The following CPNE5 variants were observed in gnomAD, a reference collection of about 807,000 sequenced individuals.
CPNE5 encodes copine 5.
CPNE5 carries 42 observed loss-of-function variants against 81.1 expected under a neutral mutation model. That is an observed-to-expected ratio of 0.52 (90% CI 0.40 to 0.67). The LOEUF is 0.67. Among genes scored for constraint, CPNE5 ranks in the 30% least tolerant of loss-of-function variants. The pLI is 0.00. For synonymous variants in CPNE5, 313 were observed against 321.5 expected (o/e 0.97, Z 0.28); for missense variants, 612 against 815.5 (o/e 0.75, Z 3.04).
intron 1 of CPNE5, chr6:36,827,698 G>A: frequency 2.0e-6 from 2 of 985,410 alleles, no homozygotes; most frequent in Non-Finnish European, 2.4e-6. Flanking sequence ...CAGGGGCAAT[G>A]AGTCACTTGC....
chr6:36,800,331 G>A (rs1769992123), intron 3 of CPNE5, among the ~76,000 whole-genome samples: 1 of 152,180 alleles, frequency 6.6e-6, no homozygotes, highest in Non-Finnish European at 1.5e-5. Flanking sequence ...TAATACCTGA[G>A]CAGGCCCTTC....
chr6:36,745,429 G>A lies in CPNE5; in HGVS notation c.1287C>T (p.Tyr429=), dbSNP rs747624191. 6.8e-6 allele frequency: 11 copies of A among 1,606,452 alleles called. No individual in the cohort carries two copies. Among genetic ancestry groups the A allele is most frequent in the African/African-American group, 4.0e-5 (3 of 74,898 alleles). The part of the protein sequence containing the change: ...YHRSLRTVQL[Y]GPTNFAPVVT... ...CCACGGGGGCAAAGTTGGTGGGGCCGTACAGCTGCACAGTGCGCAGGCTGC... is the reference window on the plus strand; with the variant it reads ...CCACGGGGGCAAAGTTGGTGGGGCCATACAGCTGCACAGTGCGCAGGCTGC... The change falls in exon 17 of 21, where the codon TAC becomes TAT. Residue 429 remains tyrosine, a synonymous_variant. Coordinates refer to ENST00000244751, the MANE Select transcript of CPNE5 (RefSeq NM_020939.2).
Position 36,743,747 on chromosome 6 carries a change from T to C in CPNE5, c.1505A>G (p.Asp502Gly). The C allele has an allele frequency of 6.2e-7, 1 of 1,612,350 alleles. No individual in the cohort carries two copies. The highest frequency in any genetic ancestry group is 8.5e-7 in the Non-Finnish European group (1 of 1,179,944). The change falls in exon 20 of 21, where the codon GAT becomes GGT. Residue 502 changes from aspartate to glycine, a missense_variant. By Grantham distance (94) the Asp-to-Gly change is moderately conservative. Transcript: ENST00000244751. ...QAEFDAMVEL[D>G]GDDVRISSRG... ...GGAGGAGATCCGCACGTCGTCGCCATCCAGCTCCACCATGGCTGTGAGGGG... is the reference window on the plus strand; with the variant it reads ...GGAGGAGATCCGCACGTCGTCGCCACCCAGCTCCACCATGGCTGTGAGGGG...
chr6:36,839,188 A>C lies in CPNE5; in HGVS notation c.95+95T>G. 40 of 828,008 alleles carry C rather than the reference A, an allele frequency of 4.8e-5. No homozygotes were observed. Among genetic ancestry groups the C allele is most frequent in the Non-Finnish European group, 6.8e-5 (37 of 540,392 alleles). 51.3% of individuals were successfully genotyped at this position (828,008 alleles called of 1,614,324 possible). ...TCCTGGAGACCAGGACACTCTGGGAAGGGGGCGCGCGGAGGTTTAGGATCG... is the reference window on the plus strand; with the variant it reads ...TCCTGGAGACCAGGACACTCTGGGACGGGGGCGCGCGGAGGTTTAGGATCG... On this transcript the variant is annotated intron_variant, in intron 1 of 20. Coordinates refer to ENST00000244751, the MANE Select transcript of CPNE5 (RefSeq NM_020939.2). This position sits in a 1 kb window ranked among gnomAD's most constrained non-coding sequence, Gnocchi z 7.3.
intron 12 of CPNE5, among the ~76,000 whole-genome samples, chr6:36,756,576 G>A (rs548138151): frequency 4.6e-5 from 7 of 152,272 alleles, no homozygotes; most frequent in Non-Finnish European, 7.4e-5. Flanking sequence ...CGGAACACAC[G>A]CACCCTCCAC....
Position 36,760,458 on chromosome 6 carries a change from C to T in CPNE5, c.855+2459G>A, listed in dbSNP as rs566995966. On this transcript the variant is annotated intron_variant, in intron 12 of 20. Coordinates refer to ENST00000244751, the MANE Select transcript of CPNE5 (RefSeq NM_020939.2). ...ATCAGATCACTATTTTGGTGGAGTA[C>T]GCTGGTTACTGTGTAGAGGACAGAA... Among the ~76,000 whole-genome samples the T allele has an allele frequency of 3.9e-5, 6 of 152,074 alleles. No homozygotes were observed. In the East Asian group the frequency reaches 7.7e-4, roughly 20 times the overall value.
At chr6:36,805,510 A>T (rs1770512340) in intron 3 of CPNE5, among the ~76,000 whole-genome samples, 1 of 152,240 alleles carries the variant, frequency 6.6e-6, no homozygotes. Context: ...ATGCCCAAGC[A>T]ATCTGCATGC....
intron 8 of CPNE5, among the ~76,000 whole-genome samples, chr6:36,779,758 C>T (rs1318537172): frequency 6.6e-6 from 1 of 152,220 alleles, no homozygotes; most frequent in Non-Finnish European, 1.5e-5. Context: ...CTGGACCCCT[C>T]AGCCCCTCAG....
intron 1 of CPNE5, among the ~76,000 whole-genome samples, chr6:36,829,703 C>T (rs555181402): frequency 2.7e-5 from 4 of 150,284 alleles, no homozygotes; most frequent in Non-Finnish European, 4.4e-5. Flanking sequence ...GTCCCAGCTA[C>T]TCGGGAGGCT....
chr6:36,824,932 A>G (rs1326395347), intron 1 of CPNE5, among the ~76,000 whole-genome samples: 3 of 152,146 alleles, frequency 2.0e-5, no homozygotes. Flanking sequence ...TTTCAAAACA[A>G]CAGCAGCAGC....
intron 9 of CPNE5, among the ~76,000 whole-genome samples, chr6:36,777,446 TCTC>T (rs1171338201): frequency 6.6e-6 from 1 of 151,586 alleles, no homozygotes; most frequent in Non-Finnish European, 1.5e-5. Flanking sequence ...CCCAAATCCC[TCTC>T]CTCCTCCCAG....
At chr6:36,797,695 C>G (rs1052393513) in intron 6 of CPNE5, among the ~76,000 whole-genome samples, 1 of 152,196 alleles carries the variant, frequency 6.6e-6, no homozygotes, top group African/African-American at 2.4e-5. Context: ...CAGGGACCAT[C>G]AGGGACAGGA....
chr6:36,817,988 G>T (rs1252603397), intron 3 of CPNE5, among the ~76,000 whole-genome samples: 2 of 152,082 alleles, frequency 1.3e-5, no homozygotes, highest in Non-Finnish European at 2.9e-5. Context: ...CCTCAACAGT[G>T]CAGGATGCTA....
chr6:36,813,241 C>G (rs1261203715), intron 3 of CPNE5, among the ~76,000 whole-genome samples: 1 of 152,198 alleles, frequency 6.6e-6, no homozygotes, highest in Non-Finnish European at 1.5e-5. Flanking sequence ...GCTTAAAACC[C>G]TTAAATAGGC....
chr6:36,768,419 A>G (rs993662321), intron 10 of CPNE5, among the ~76,000 whole-genome samples: 45 of 151,224 alleles, frequency 3.0e-4, no homozygotes, highest in Admixed American at 2.0e-3. Flanking sequence ...TTTAGTAGAG[A>G]CGGGGTTTCA....
chr6:36,834,290 AGGGAGGGAGGGAGGGAGGGAGG>A (rs1773248016), intron 1 of CPNE5, among the ~76,000 whole-genome samples: 2 of 51,018 alleles, frequency 3.9e-5, no homozygotes, highest in African/African-American at 8.5e-5. Flanking sequence ...GAAGGAAGGG[AGGGAGGGAGGGAGGGAGGGAGG>A]AAGGAAGGAA....
intron 14 of CPNE5, among the ~76,000 whole-genome samples, chr6:36,751,302 C>A (rs9986517): frequency 6.6e-6 from 1 of 152,038 alleles, no homozygotes; most frequent in Non-Finnish European, 1.5e-5. Context: ...CTTCATCCCA[C>A]CCCACCCGCT....
At chr6:36,812,803 G>A (rs1027736909) in intron 3 of CPNE5, among the ~76,000 whole-genome samples, 3 of 152,192 alleles carry the variant, frequency 2.0e-5, no homozygotes, top group Non-Finnish European at 4.4e-5. Flanking sequence ...GCTCAGGAGG[G>A]ACCTCTCTTT....
intron 9 of CPNE5, among the ~76,000 whole-genome samples, chr6:36,778,024 C>G (rs1388777734): frequency 6.6e-6 from 1 of 152,184 alleles, no homozygotes; most frequent in Non-Finnish European, 1.5e-5. Context: ...CTTCCTCATT[C>G]TGCAGAATCC....
Sources: gnomAD v4.1 joint callset for allele counts (sites outside exome capture counted in the v4.1 genomes callset) on GRCh38, gnomAD v4.1.1 for gene constraint, Gnocchi (gnomAD v3.1) non-coding constraint, MANE v1.5 for transcripts, NCBI Gene and HGNC (gene_info 2026-07-23, HGNC 2026-07-21) for gene names.